FAM169A: variants seen among roughly 807,000 people sequenced by gnomAD.
FAM169A encodes the protein soluble lamin-associated protein of 75 kDa.
A neutral mutation model predicts 75.7 loss-of-function variants in FAM169A; 24 were observed. The observed-to-expected ratio is 0.32, with a 90% confidence interval of 0.23 to 0.45. FAM169A has a LOEUF of 0.45. FAM169A is among the 20% of genes least tolerant of loss of function. The pLI is 1.00. For synonymous variants in FAM169A, 271 were observed against 271.0 expected, an observed-to-expected ratio of 1.00 and a Z score of 0.00; for missense variants, 673 against 784.0, an observed-to-expected ratio of 0.86 and a Z score of 1.69.
chr5:74,847,856 T>A (rs1342796533), intron 1 of FAM169A, among the ~76,000 whole-genome samples: 1 of 152,206 alleles, frequency 6.6e-6, no homozygotes, highest in Non-Finnish European at 1.5e-5. Flanking sequence ...ATTTTTTTCA[T>A]ATACAAAATG....
At chr5:74,810,617 G>A (rs898601450) in intron 6 of FAM169A, among the ~76,000 whole-genome samples, 1 of 151,512 alleles carries the variant, frequency 6.6e-6, no homozygotes, top group Non-Finnish European at 1.5e-5. Context: ...AGGCGTGGTG[G>A]CGGGCACCTG....
chr5:74,832,648 A>C (rs965120526), intron 5 of FAM169A, among the ~76,000 whole-genome samples: 15 of 149,258 alleles, frequency 1.0e-4, no homozygotes, highest in Admixed American at 8.1e-4. Flanking sequence ...ATATATATAA[A>C]TATAACATTT....
chr5:74,866,839 C>T (rs1750373140), upstream of FAM169A: 2 of 985,560 alleles, frequency 2.0e-6, no homozygotes, highest in Non-Finnish European at 2.4e-6. Context: ...GCGCGGCCAT[C>T]CCGGCCTCGG....
intron 5 of FAM169A, among the ~76,000 whole-genome samples, chr5:74,832,277 AAACT>A (rs1375942355): frequency 6.6e-6 from 1 of 152,016 alleles, no homozygotes; most frequent in Non-Finnish European, 1.5e-5. Context: ...CTTTATAAGA[AAACT>A]ATCTACCTAA....
chr5:74,800,693 C>T (rs183511405), intron 10 of FAM169A, among the ~76,000 whole-genome samples, 187 bp downstream of exon 10: 1 of 151,634 alleles, frequency 6.6e-6, no homozygotes, highest in Non-Finnish European at 1.5e-5. Context: ...ACAATGTAAT[C>T]GCCTCTACCT....
chr5:74,836,293 TATTTA>T (rs1296841093), intron 4 of FAM169A, among the ~76,000 whole-genome samples: 3 of 151,928 alleles, frequency 2.0e-5, no homozygotes, highest in Non-Finnish European at 2.9e-5. Context: ...CATTTCTCCC[TATTTA>T]ATTTTATTAT....
intron 1 of FAM169A, among the ~76,000 whole-genome samples, chr5:74,861,081 G>A (rs1023044111): frequency 6.6e-6 from 1 of 152,192 alleles, no homozygotes; most frequent in Non-Finnish European, 1.5e-5. Flanking sequence ...ACCTTGCGGT[G>A]AGCTGAGATT....
intron 1 of FAM169A, among the ~76,000 whole-genome samples, chr5:74,851,682 AAT>A (rs1218442177): frequency 1.3e-5 from 2 of 152,368 alleles, no homozygotes; most frequent in Admixed American, 6.5e-5. Flanking sequence ...TTGCCTGTGG[AAT>A]ATGTCAGCAA....
chr5:74,844,448 T>C (rs1229609570), intron 1 of FAM169A, among the ~76,000 whole-genome samples: 3 of 151,022 alleles, frequency 2.0e-5, no homozygotes, highest in Admixed American at 2.0e-4. Context: ...TGGGACCTTG[T>C]CTCAAAAACA....
chr5:74,854,397 AAAT>A (rs3031222), intron 1 of FAM169A, among the ~76,000 whole-genome samples: 49,138 of 150,634 alleles, frequency 0.33, 9,912 homozygotes, highest in African/African-American at 0.57. Flanking sequence ...TCCATCTCAA[AAAT>A]AATAATAATA....
chr5:74,805,523 G>GTTTTTT (rs1561298455), intron 6 of FAM169A, among the ~76,000 whole-genome samples: 12 of 105,596 alleles, frequency 1.1e-4, no homozygotes, highest in South Asian at 6.0e-4. Flanking sequence ...AATGTGCTTC[G>GTTTTTT]CTTTTTTTTT....
intron 3 of FAM169A, 85 bp downstream of exon 3, chr5:74,839,989 T>A: frequency 1.5e-6 from 1 of 660,388 alleles, no homozygotes; most frequent in Non-Finnish European, 2.6e-6. Flanking sequence ...AAAAACCAAA[T>A]TCCTTCATGT....
At position 74,866,199 on chromosome 5, in the gene FAM169A, G is replaced by A. The variant is rs1353864967; in HGVS notation, c.-38C>T. ...GCCCCGGGAGCCGCTGGAAGAGCCC[G>A]GGAAAGGAGGCGGAGCCGCGCGAAT... On this transcript the variant is annotated 5_prime_UTR_variant, in exon 1 of 13. Transcript: ENST00000687041. 13 of 984,244 alleles carry A rather than the reference G, an allele frequency of 1.3e-5. No homozygotes were observed. The highest frequency in any genetic ancestry group is 1.6e-5 in the Non-Finnish European group (13 of 829,592). The allele number at this position is 984,244 out of a possible 1,614,324, so 61.0% of individuals were successfully genotyped here.
At chr5:74,852,510 A>G (rs1749494788) in intron 1 of FAM169A, among the ~76,000 whole-genome samples, 1 of 152,208 alleles carries the variant, frequency 6.6e-6, no homozygotes, top group Non-Finnish European at 1.5e-5. Context: ...TAAATAAACC[A>G]AACACTGGTG....
At chr5:74,866,092 G>C in intron 1 of FAM169A, 73 bp downstream of exon 1, 1 of 771,148 alleles carries the variant, frequency 1.3e-6, no homozygotes, top group Non-Finnish European at 1.6e-6. Flanking sequence ...TGGTGCTGGC[G>C]GGGGCGCGGG....
At chr5:74,799,370 A>C in intron 10 of FAM169A, 2 of 1,612,242 alleles carry the variant, frequency 1.2e-6, no homozygotes, top group Non-Finnish European at 1.7e-6. Context: ...TGTTACTTTG[A>C]GTCTGAAAAT....
chr5:74,839,370 T>C (rs938458691), intron 3 of FAM169A, among the ~76,000 whole-genome samples: 13 of 151,854 alleles, frequency 8.6e-5, no homozygotes, highest in African/African-American at 2.2e-4. Flanking sequence ...GATCTGATGG[T>C]TTCATAATGT....
intron 1 of FAM169A, among the ~76,000 whole-genome samples, chr5:74,860,015 T>C (rs547497016): frequency 3.7e-4 from 57 of 152,324 alleles, no homozygotes; most frequent in African/African-American, 9.1e-4. Context: ...TCACCATTAA[T>C]ACATTATCAC....
intron 7 of FAM169A, among the ~76,000 whole-genome samples, 190 bp from the exon 8 acceptor site, chr5:74,804,795 T>C (rs768010501): frequency 3.3e-5 from 5 of 152,198 alleles, no homozygotes; most frequent in South Asian, 2.1e-4. Context: ...GTTAAATAGT[T>C]ATTTTAAGTA....
Sources: gnomAD v4.1 joint callset for allele counts (sites outside exome capture counted in the v4.1 genomes callset) on GRCh38, gnomAD v4.1.1 for gene constraint, MANE v1.5 for transcripts, NCBI Gene and HGNC (gene_info 2026-07-23, HGNC 2026-07-21) for gene names.